COPS4: variants seen among roughly 807,000 people sequenced by gnomAD.
The protein encoded by COPS4 is COP9 signalosome complex subunit 4.
Under a neutral mutation model 55.1 loss-of-function variants are expected in COPS4, and 8 were observed. The ratio of observed to expected loss-of-function variants is 0.15; its 90% CI spans 0.09 to 0.26. COPS4 has a LOEUF of 0.26. Among genes scored for constraint, COPS4 ranks in the 10% least tolerant of loss-of-function variants. COPS4 has a pLI of 1.00. For synonymous variants in COPS4, 185 were observed against 165.7 expected (o/e 1.12, Z -0.90); for missense variants, 248 against 484.0 (o/e 0.51, Z 4.58).
chr4:83,039,500 G>T (rs1730505247), intron 1 of COPS4, among the ~76,000 whole-genome samples: 1 of 152,212 alleles, frequency 6.6e-6, no homozygotes, highest in African/African-American at 2.4e-5. Flanking sequence ...AGGGACATGG[G>T]TACTGGGAGT....
intron 1 of COPS4, among the ~76,000 whole-genome samples, chr4:83,040,725 T>A (rs1578701946): frequency 1.5e-5 from 2 of 131,022 alleles, no homozygotes; most frequent in African/African-American, 8.3e-5. Flanking sequence ...TGCAATTACA[T>A]TTTTTTTTTC....
In COPS4 at chr4:83,074,850, C is replaced by T. The variant is rs189491979; in HGVS notation, c.1088-447C>T. On this transcript the variant is annotated intron_variant, in intron 9 of 9. Transcript: ENST00000264389. ...AGCTAATAGAAGTATTGGCTGGACG[C>T]GGTGGCTCATGCCTGTAATCCCAGC... Among the ~76,000 whole-genome samples, 193 of 151,666 alleles carry T rather than the reference C, an allele frequency of 1.3e-3. 1 individual carries two copies. The highest frequency in any genetic ancestry group is 2.5e-3 in the Non-Finnish European group (168 of 67,910).
chr4:83,055,790 T>C (rs779446258), intron 4 of COPS4, among the ~76,000 whole-genome samples: 1 of 152,156 alleles, frequency 6.6e-6, no homozygotes, highest in Non-Finnish European at 1.5e-5. Context: ...AATAATATCA[T>C]AATGGGTGAT....
chr4:83,064,148 C>T (rs1181368806), intron 7 of COPS4, among the ~76,000 whole-genome samples: 2 of 152,052 alleles, frequency 1.3e-5, no homozygotes, highest in Non-Finnish European at 2.9e-5. Context: ...CCAACCTGTG[C>T]AACATAGTGA....
chr4:83,051,478 T>C (rs1730888207), intron 4 of COPS4, among the ~76,000 whole-genome samples: 1 of 152,176 alleles, frequency 6.6e-6, no homozygotes, highest in African/African-American at 2.4e-5. Context: ...GTGAGAAGTA[T>C]TGAATTCTAG....
chr4:83,045,057 T>C (rs1218954053), intron 1 of COPS4, among the ~76,000 whole-genome samples: 2 of 152,204 alleles, frequency 1.3e-5, no homozygotes, highest in African/African-American at 4.8e-5. Context: ...TATCAGTGCA[T>C]TTGGCTTGGC....
At chr4:83,035,427 T>C in intron 1 of COPS4, 129 bp downstream of exon 1, 2 of 690,922 alleles carry the variant, frequency 2.9e-6, no homozygotes, top group South Asian at 1.5e-5. Context: ...GGGGCGGGCC[T>C]GAGGTCGGCT....
At chr4:83,049,793 A>G (rs1009791043) in intron 3 of COPS4, 88 bp from the exon 4 acceptor site, 4 of 810,090 alleles carry the variant, frequency 4.9e-6, no homozygotes, top group African/African-American at 3.5e-5. Flanking sequence ...AGTATGTTGA[A>G]TTGCCACTTT....
In COPS4 at chr4:83,056,962, G is replaced by A. The variant is rs759418538; in HGVS notation, c.447G>A (p.Leu149=). 1 of 1,613,306 alleles carries A rather than the reference G, an allele frequency of 6.2e-7. No homozygotes were observed. The highest frequency in any genetic ancestry group is 1.3e-5 in the African/African-American group (1 of 75,040). The change falls in exon 5 of 10, where the codon TTG becomes TTA. Residue 149 remains leucine (L), a synonymous_variant. Transcript: ENST00000264389. Reference sequence around the variant, plus strand: ...TAGATTATAAACTGGAGACTTACTTGAAGATTGCTAGGCTATATCTGGAGG... The same window carrying A: ...TAGATTATAAACTGGAGACTTACTTAAAGATTGCTAGGCTATATCTGGAGG... ...YNVDYKLETY[L]KIARLYLEDD... is the part of the protein sequence containing the mutation.
rs149309103 is a variant in COPS4 at position 83,063,389 on chromosome 4, T to A, written c.886+143T>A. 1.4e-3 allele frequency: 700 copies of A among 491,748 alleles called. 18 individuals carry two copies. The highest frequency in any genetic ancestry group is 0.013 in the African/African-American group (600 of 46,928). The allele number at this position is 491,748 out of a possible 1,614,324, so 30.5% of individuals were successfully genotyped here. A position where few individuals can be genotyped will look rare whatever the true frequency, so the allele number is the denominator to read the frequency against. On this transcript the variant is annotated intron_variant, in intron 7 of 9. Coordinates refer to ENST00000264389, the MANE Select transcript of COPS4 (RefSeq NM_016129.3). ...AAAGAGGAATTGTTTTTATTTAAAA[T>A]TTTTTTTTTAATTTATAAAATTTTT...
At position 83,049,149 on chromosome 4, in the gene COPS4, T is replaced by C; in HGVS notation, c.155-17T>C. On this transcript the variant is annotated splice_polypyrimidine_tract_variant and intron_variant, in intron 2 of 9. Coordinates refer to ENST00000264389, the MANE Select transcript of COPS4 (RefSeq NM_016129.3). ...ATCAGCTCATGTTTTCTTATCTTTT[T>C]TTTTTTTTTAAACAAGTGGTAAATG... is the stretch of plus-strand genomic sequence containing the variant. The C allele has an allele frequency of 6.3e-7, 1 of 1,581,506 alleles. No homozygotes were observed. The highest frequency in any genetic ancestry group is 8.5e-7 in the Non-Finnish European group (1 of 1,171,878).
intron 7 of COPS4, 51 bp downstream of exon 7, chr4:83,063,297 T>A: frequency 7.8e-7 from 1 of 1,281,026 alleles, no homozygotes; most frequent in Non-Finnish European, 1.1e-6. Context: ...AGGTACAGAC[T>A]AGTGAAAATC....
At chr4:83,058,589 ATGGTAC>A (rs1299524914) in intron 6 of COPS4, among the ~76,000 whole-genome samples, 1 of 152,218 alleles carries the variant, frequency 6.6e-6, no homozygotes, top group African/African-American at 2.4e-5. Flanking sequence ...GTACATGAAC[ATGGTAC>A]TGCTTCTTTT....
chr4:83,072,452 A>G (rs1016094537), intron 9 of COPS4, among the ~76,000 whole-genome samples: 10 of 152,102 alleles, frequency 6.6e-5, no homozygotes, highest in Non-Finnish European at 1.2e-4. Flanking sequence ...ACATAAACAC[A>G]TTTTTAAATT....
At chr4:83,074,848 C>T (rs1056592864) in intron 9 of COPS4, among the ~76,000 whole-genome samples, 12 of 151,674 alleles carry the variant, frequency 7.9e-5, no homozygotes, top group African/African-American at 1.5e-4. Context: ...ATTGGCTGGA[C>T]GCGGTGGCTC....
At chr4:83,066,184 G>A (rs1731288352) in intron 7 of COPS4, among the ~76,000 whole-genome samples, 2 of 152,100 alleles carry the variant, frequency 1.3e-5, no homozygotes, top group Non-Finnish European at 2.9e-5. Context: ...GCCTGAAGAA[G>A]CAAGATTCTA....
intron 4 of COPS4, among the ~76,000 whole-genome samples, chr4:83,050,601 T>G (rs1427081246): frequency 6.6e-6 from 1 of 152,162 alleles, no homozygotes; most frequent in African/African-American, 2.4e-5. Flanking sequence ...TGTGAGCCAC[T>G]GCACCTGGCC....
At chr4:83,041,068 GT>G (rs943826847) in intron 1 of COPS4, among the ~76,000 whole-genome samples, 33 of 132,976 alleles carry the variant, frequency 2.5e-4, no homozygotes, top group African/African-American at 2.5e-4. Context: ...TTTGTTTTTT[GT>G]TTTTTTTTTT....
Position 83,065,283 on chromosome 4 carries a change from A to G in COPS4, c.887-1155A>G, listed in dbSNP as rs1051887703. On this transcript the variant is annotated intron_variant, in intron 7 of 9. Coordinates refer to ENST00000264389, the MANE Select transcript of COPS4 (RefSeq NM_016129.3). ...TGAATTCAAAAGGGAGATTTAGATT[A>G]GAGATATGTGATCATTATCAGCATT... 5 of 418,312 alleles carry G rather than the reference A, an allele frequency of 1.2e-5. No individual in the cohort carries two copies. In the South Asian group the frequency reaches 3.4e-4, roughly 29 times the overall value. The allele number at this position is 418,312 out of a possible 1,614,324, so 25.9% of individuals were successfully genotyped here. A position where few individuals can be genotyped will look rare whatever the true frequency, so the allele number is the denominator to read the frequency against.
Sources: gnomAD v4.1 joint callset for allele counts (sites outside exome capture counted in the v4.1 genomes callset) on GRCh38, gnomAD v4.1.1 for gene constraint, MANE v1.5 for transcripts, NCBI Gene and HGNC (gene_info 2026-07-23, HGNC 2026-07-21) for gene names.